CERCAM: variants seen among roughly 807,000 people sequenced by gnomAD.
The protein encoded by CERCAM is inactive glycosyltransferase 25 family member 3.
CERCAM carries 59 observed loss-of-function variants against 66.0 expected under a neutral mutation model. The ratio of observed to expected loss-of-function variants is 0.89; its 90% CI spans 0.73 to 1.11. CERCAM has a LOEUF of 1.11. CERCAM is among the 50% of genes most tolerant of loss of function. CERCAM has a pLI of 0.00. For synonymous variants in CERCAM, 318 were observed against 343.6 expected (o/e 0.93, Z 0.83); for missense variants, 840 against 828.3 (o/e 1.01, Z -0.17).
chr9:128,424,692 C>T, intron 5 of CERCAM, 78 bp downstream of exon 5: 1 of 1,304,106 alleles, frequency 7.7e-7, no homozygotes, highest in South Asian at 1.2e-5. Context: ...CTTACCATGC[C>T]CTTCCCTACT....
At chr9:128,435,601 C>T (rs1455332566) in intron 11 of CERCAM, 52 bp from the exon 12 acceptor site, 9 of 1,537,136 alleles carry the variant, frequency 5.9e-6, no homozygotes, top group Admixed American at 3.9e-5. Flanking sequence ...GGCATGTGTC[C>T]GGGGAGTAGG....
intron 8 of CERCAM, 79 bp from the exon 9 acceptor site, chr9:128,431,092 C>A: frequency 6.6e-7 from 1 of 1,520,276 alleles, no homozygotes; most frequent in Non-Finnish European, 8.9e-7. Flanking sequence ...GTGTGACTGT[C>A]CCCAACATGC....
intron 5 of CERCAM, among the ~76,000 whole-genome samples, chr9:128,426,430 T>C (rs28709010): frequency 0.33 from 49,350 of 151,610 alleles, 11,222 homozygotes; most frequent in African/African-American, 0.65. Flanking sequence ...TGAGACCATC[T>C]TAAGACGGTG....
upstream of CERCAM, chr9:128,420,793 G>A (rs1477212736): frequency 5.9e-6 from 3 of 505,480 alleles, no homozygotes; most frequent in Non-Finnish European, 8.5e-6. This position sits in a 1 kb window ranked among gnomAD's most constrained non-coding sequence, Gnocchi z 5.0. Context: ...GTCTGCCTCG[G>A]CCCCGCCCGG....
In CERCAM at chr9:128,434,415, TC is replaced by T; in HGVS notation, c.1338del (p.Gly447AspfsTer5). The T allele has an allele frequency of 6.2e-7, 1 of 1,613,838 alleles. No homozygotes were observed. Among genetic ancestry groups the T allele is most frequent in the Non-Finnish European group, 8.5e-7 (1 of 1,179,984 alleles). The stretch of plus-strand genomic sequence containing the variant: ...CCCCTTGGTGTCACTTACAGCTACC[TC>T]GGACGGAAGCAGGTGAACCCTGAGA... ...AEKLSWDLIYLGRKQVNPEKE... is the reference protein window; with the variant it reads ...AEKLSWDLIYXGRKQVNPEKE... On this transcript the variant is annotated frameshift_variant, in exon 11 of 13. Coordinates refer to ENST00000372838, the MANE Select transcript of CERCAM (RefSeq NM_016174.5). LOFTEE classifies it high-confidence loss of function. This position sits in a 1 kb window ranked among gnomAD's most constrained non-coding sequence, Gnocchi z 4.5.
intron 1 of CERCAM, 33 bp downstream of exon 1, chr9:128,421,107 AC>A: frequency 1.6e-6 from 2 of 1,271,766 alleles, no homozygotes; most frequent in Non-Finnish European, 9.9e-7. Flanking sequence ...CCGAGTGGGC[AC>A]CTAACCCCCA....
intron 9 of CERCAM, 84 bp downstream of exon 9, chr9:128,431,387 G>A (rs918172678): frequency 2.6e-5 from 40 of 1,535,646 alleles, no homozygotes; most frequent in Non-Finnish European, 3.5e-5. Context: ...GAACGAGTGA[G>A]TGAATGAAGA....
At chr9:128,432,717 C>T (rs1341819957) in intron 9 of CERCAM, among the ~76,000 whole-genome samples, 1 of 152,158 alleles carries the variant, frequency 6.6e-6, no homozygotes, top group Non-Finnish European at 1.5e-5. Flanking sequence ...TTCCTTTTCA[C>T]AGAAGTTATC....
chr9:128,429,773 C>G (rs894710725), intron 8 of CERCAM, among the ~76,000 whole-genome samples: 2 of 151,920 alleles, frequency 1.3e-5, no homozygotes, highest in African/African-American at 4.8e-5. Flanking sequence ...ACTATCACAT[C>G]CAGCTAATTA....
At chr9:128,427,062 T>G (rs1833861944) in intron 5 of CERCAM, among the ~76,000 whole-genome samples, 2 of 152,232 alleles carry the variant, frequency 1.3e-5, no homozygotes, top group African/African-American at 4.8e-5. Flanking sequence ...ATCCCGGCTC[T>G]GGGCCAGGCT....
rs1486788637 is a variant in CERCAM, at chr9:128,435,860, C to A, written c.1743C>A (p.Gly581=). The change falls in exon 12 of 13, where the codon GGC becomes GGA. Residue 581 remains glycine (G), a synonymous_variant. Coordinates refer to ENST00000372838, the MANE Select transcript of CERCAM (RefSeq NM_016174.5). The stretch of plus-strand genomic sequence containing the variant: ...GCAGCCCCCGCCTGGACCTGACTGG[C>A]AGCAGCGGGCACAGCCTCCAACCCC... The part of the protein sequence containing the change: ...TLRSPRLDLT[G]SSGHSLQPQP... 6.2e-7 allele frequency: 1 copy of A among 1,608,772 alleles called. No homozygotes were observed. The highest frequency in any genetic ancestry group is 8.5e-7 in the Non-Finnish European group (1 of 1,179,092).
chr9:128,430,658 C>T (rs763421420), intron 8 of CERCAM: 1 of 152,294 alleles, frequency 6.6e-6, no homozygotes, highest in African/African-American at 2.4e-5. Flanking sequence ...ACCATCCCAC[C>T]CTTTCCTCAA....
At chr9:128,423,841 C>A (rs1384298870) in intron 3 of CERCAM, among the ~76,000 whole-genome samples, 1 of 152,098 alleles carries the variant, frequency 6.6e-6, no homozygotes, top group Non-Finnish European at 1.5e-5. Flanking sequence ...ATAAATTGAG[C>A]CTGGATCTCT....
chr9:128,420,797 C>G (rs1239430869), upstream of CERCAM: 2 of 563,326 alleles, frequency 3.6e-6, no homozygotes, highest in African/African-American at 2.0e-5. This position sits in a 1 kb window ranked among gnomAD's most constrained non-coding sequence, Gnocchi z 5.0. Context: ...GCCTCGGCCC[C>G]GCCCGGGCCC....
upstream of CERCAM, chr9:128,419,521 A>G (rs1833661417): frequency 1.3e-5 from 2 of 152,256 alleles, no homozygotes; most frequent in African/African-American, 4.8e-5. Context: ...AAAAGCTGCC[A>G]GTGCATTCAT....
rs536619613 is a variant in CERCAM, at chr9:128,423,681, C to T, written c.426+418C>T. ...TGACCCACCCGAAGGCTGGATCCTT[C>T]GGCAGGCTATCTGGGCCAGAGCCCA... is the stretch of plus-strand genomic sequence containing the variant. On this transcript the variant is annotated intron_variant, in intron 3 of 12. Coordinates refer to ENST00000372838, the MANE Select transcript of CERCAM (RefSeq NM_016174.5). Among the ~76,000 whole-genome samples the T allele has an allele frequency of 3.2e-4, 49 of 151,984 alleles. No individual in the cohort carries two copies. In the Middle Eastern group the frequency reaches 0.017, roughly 53 times the overall value.
At chr9:128,420,058 A>G (rs971834611), upstream of CERCAM, 3 of 152,214 alleles carry the variant, frequency 2.0e-5, no homozygotes, top group African/African-American at 4.8e-5. The surrounding 1 kb of genome is among the most constrained non-coding windows in gnomAD (Gnocchi z 5.0). Context: ...TTTAGTACAG[A>G]TGGGATTTCA....
chr9:128,421,400 C>G, intron 1 of CERCAM: 1 of 1,094,260 alleles, frequency 9.1e-7, no homozygotes, highest in Non-Finnish European at 1.1e-6. Flanking sequence ...CCAGCTCAAC[C>G]CCAGTGGGAC....
At chr9:128,425,676 T>C (rs540114460) in intron 5 of CERCAM, among the ~76,000 whole-genome samples, 2 of 151,370 alleles carry the variant, frequency 1.3e-5, no homozygotes, top group Admixed American at 1.3e-4. Flanking sequence ...CACGCCTGGG[T>C]AATTTTGTGT....
Sources: allele counts gnomAD v4.1 joint callset (sites outside exome capture counted in the v4.1 genomes callset), GRCh38; gene constraint gnomAD v4.1.1; non-coding constraint Gnocchi (gnomAD v3.1); transcripts MANE v1.5; gene names NCBI Gene and HGNC (gene_info 2026-07-23, HGNC 2026-07-21).